Variants in LMNTD1 observed in about 807,000 individuals in gnomAD.
LMNTD1 encodes the protein lamin tail domain containing 1.
Under a neutral mutation model 50.9 loss-of-function variants are expected in LMNTD1, and 35 were observed. That is an observed-to-expected ratio of 0.69 (90% CI 0.53 to 0.91). The LOEUF is 0.91. Ranked by LOEUF, LMNTD1 falls within the 40% of genes least tolerant of loss-of-function variation. LMNTD1 has a pLI of 0.00. For synonymous variants in LMNTD1, 153 were observed against 161.9 expected (o/e 0.94, Z 0.42); for missense variants, 470 against 475.5 (o/e 0.99, Z 0.11).
intron 8 of LMNTD1, among the ~76,000 whole-genome samples, chr12:25,506,660 G>A (rs1939807377): frequency 6.6e-6 from 1 of 150,814 alleles, no homozygotes; most frequent in South Asian, 2.1e-4. Context: ...TCATTCTGAC[G>A]ACTCCTTCGT....
At chr12:25,643,604 C>T (rs533334822) in intron 1 of LMNTD1, among the ~76,000 whole-genome samples, 90 of 152,250 alleles carry the variant, frequency 5.9e-4, no homozygotes, top group African/African-American at 2.0e-3. Flanking sequence ...ATTTTTAAAC[C>T]GATTGCTGAC....
In LMNTD1 at chr12:25,558,355, A is replaced by G. The variant is rs374982117; in HGVS notation, c.59-11801T>C. On this transcript the variant is annotated intron_variant, in intron 1 of 7. Coordinates refer to the LMNTD1 transcript ENST00000445693. The stretch of plus-strand genomic sequence containing the variant: ...CTTATTTTTCTAGTTCTTCAGATGC[A>G]TCATCAGACCTGTTATTTGAAATTT... Among the ~76,000 whole-genome samples, 85 of 152,262 alleles carry G rather than the reference A, an allele frequency of 5.6e-4. 1 individual carries two copies. Among genetic ancestry groups the G allele is most frequent in the African/African-American group, 1.7e-3 (71 of 41,552 alleles).
chr12:25,616,196 T>C (rs1316956966), intron 1 of LMNTD1, among the ~76,000 whole-genome samples: 2 of 152,162 alleles, frequency 1.3e-5, no homozygotes, highest in Non-Finnish European at 2.9e-5. Context: ...TAGCTGACTA[T>C]TTTTAGACAG....
At chr12:25,637,200 AG>A (rs760492806) in intron 1 of LMNTD1, among the ~76,000 whole-genome samples, 4 of 152,232 alleles carry the variant, frequency 2.6e-5, no homozygotes, top group Non-Finnish European at 5.9e-5. Flanking sequence ...AGACATTTAA[AG>A]AAACAGGAAA....
chr12:25,560,654 T>C (rs1001362206), intron 1 of LMNTD1, among the ~76,000 whole-genome samples: 3 of 152,170 alleles, frequency 2.0e-5, no homozygotes, highest in African/African-American at 7.2e-5. Context: ...ATTTTCACAA[T>C]ATTGATTCTT....
intron 9 of LMNTD1, among the ~76,000 whole-genome samples, chr12:25,498,266 T>G (rs1275760073): frequency 6.6e-6 from 1 of 152,180 alleles, no homozygotes; most frequent in Non-Finnish European, 1.5e-5. Flanking sequence ...TTACATTATT[T>G]AATTAAAATA....
At chr12:25,502,667 G>A (rs1187040257) in intron 9 of LMNTD1, among the ~76,000 whole-genome samples, 2 of 152,232 alleles carry the variant, frequency 1.3e-5, no homozygotes, top group Non-Finnish European at 2.9e-5. Flanking sequence ...TCCTAGAAAT[G>A]TCTGTGAAGG....
chr12:25,547,047 A>G (rs534932149), intron 3 of LMNTD1, among the ~76,000 whole-genome samples: 31 of 151,820 alleles, frequency 2.0e-4, no homozygotes, highest in African/African-American at 7.5e-4. Flanking sequence ...CCTCTATTTA[A>G]TTAAAATACT....
At chr12:25,597,843 T>C (rs924457959) in intron 1 of LMNTD1, among the ~76,000 whole-genome samples, 24 of 152,222 alleles carry the variant, frequency 1.6e-4, no homozygotes, top group Middle Eastern at 3.4e-3. Context: ...ATAAGAGAAA[T>C]TTTGGAAATT....
intron 4 of LMNTD1, among the ~76,000 whole-genome samples, chr12:25,529,712 A>G (rs2136110073): frequency 6.6e-6 from 1 of 152,000 alleles, no homozygotes; most frequent in East Asian, 1.9e-4. Flanking sequence ...AACATTCTCC[A>G]CTTTGCTTCC....
At chr12:25,557,617 T>A (rs1944096947), upstream of LMNTD1, among the ~76,000 whole-genome samples, 1 of 152,204 alleles carries the variant, frequency 6.6e-6, no homozygotes, top group Non-Finnish European at 1.5e-5. Flanking sequence ...GAGACAAAGA[T>A]TCATAACATT....
At chr12:25,614,634 C>T (rs1020134307) in intron 1 of LMNTD1, among the ~76,000 whole-genome samples, 10 of 152,132 alleles carry the variant, frequency 6.6e-5, no homozygotes, top group Non-Finnish European at 8.8e-5. Flanking sequence ...AGGTTAACTG[C>T]GGTAGAACAG....
intron 8 of LMNTD1, among the ~76,000 whole-genome samples, chr12:25,508,175 T>A (rs1939965543): frequency 6.6e-6 from 1 of 152,196 alleles, no homozygotes; most frequent in Admixed American, 6.5e-5. Context: ...TCACAAATCA[T>A]AATTTACAGC....
chr12:25,523,161 G>A (rs1591898946), intron 6 of LMNTD1, among the ~76,000 whole-genome samples: 1 of 152,164 alleles, frequency 6.6e-6, no homozygotes, highest in African/African-American at 2.4e-5. Flanking sequence ...AGCCTCCCTA[G>A]TAGCTGGGAC....
At chr12:25,487,332 T>C (rs1019207738) in intron 9 of LMNTD1, among the ~76,000 whole-genome samples, 10 of 136,912 alleles carry the variant, frequency 7.3e-5, no homozygotes, top group South Asian at 5.4e-4. Context: ...ATTGGGTGCA[T>C]ATATATTTAG....
At chr12:25,523,179 G>A (rs1374052702) in intron 6 of LMNTD1, among the ~76,000 whole-genome samples, 1 of 151,828 alleles carries the variant, frequency 6.6e-6, no homozygotes, top group Non-Finnish European at 1.5e-5. Flanking sequence ...GACTACAGGC[G>A]GGCACCACCA....
At chr12:25,569,077 C>A (rs1170257671) in intron 1 of LMNTD1, among the ~76,000 whole-genome samples, 2 of 152,216 alleles carry the variant, frequency 1.3e-5, no homozygotes, top group African/African-American at 2.4e-5. Flanking sequence ...GGCAGCTTGC[C>A]CTCTGTGCCT....
intron 1 of LMNTD1, among the ~76,000 whole-genome samples, chr12:25,587,352 CATGG>C (rs1486231991): frequency 6.6e-6 from 1 of 152,242 alleles, no homozygotes; most frequent in East Asian, 1.9e-4. Flanking sequence ...GTGCAGGAAG[CATGG>C]TGCCAGTATC....
At chr12:25,528,717 T>C (rs1941995853) in intron 4 of LMNTD1, among the ~76,000 whole-genome samples, 1 of 152,164 alleles carries the variant, frequency 6.6e-6, no homozygotes, top group Non-Finnish European at 1.5e-5. Context: ...CCCATTTCCA[T>C]GGAAGAGGCC....
Sources: allele counts gnomAD v4.1 joint callset (sites outside exome capture counted in the v4.1 genomes callset), GRCh38; gene constraint gnomAD v4.1.1; transcripts MANE v1.5; gene names NCBI Gene and HGNC (gene_info 2026-07-23, HGNC 2026-07-21).